NAA16: variants seen among roughly 807,000 people sequenced by gnomAD.
NAA16 encodes the protein N-alpha-acetyltransferase 16, NatA auxiliary subunit.
In NAA16, 97 loss-of-function variants were observed where a neutral mutation model predicts 110.3. The ratio of observed to expected loss-of-function variants is 0.88; its 90% CI spans 0.75 to 1.04. The LOEUF (loss-of-function observed/expected upper bound fraction) is 1.04, where lower values mean the gene tolerates loss of function less well. Among genes scored for constraint, NAA16 ranks in the 50% least tolerant of loss-of-function variants. NAA16 has a pLI of 0.00. For missense variants in NAA16, 1,017 were observed against 1,005.1 expected, an observed-to-expected ratio of 1.01 and a Z score of -0.16; for synonymous variants, 372 against 330.6, an observed-to-expected ratio of 1.13 and a Z score of -1.36.
intron 9 of NAA16, among the ~76,000 whole-genome samples, chr13:41,340,315 G>GT (rs1411478743): frequency 6.6e-6 from 1 of 152,000 alleles, no homozygotes; most frequent in African/African-American, 2.4e-5. Context: ...AGGGTTTTTT[G>GT]TGTCTGTATT....
At chr13:41,316,198 C>G (rs901284784) in intron 1 of NAA16, among the ~76,000 whole-genome samples, 1 of 152,078 alleles carries the variant, frequency 6.6e-6, no homozygotes, top group Non-Finnish European at 1.5e-5. Flanking sequence ...GGCATGATCT[C>G]GGCTCACTGC....
At chr13:41,336,382 G>A (rs1376615654) in intron 8 of NAA16, among the ~76,000 whole-genome samples, 3 of 152,156 alleles carry the variant, frequency 2.0e-5, no homozygotes, top group African/African-American at 7.2e-5. Flanking sequence ...AGTGCTGGTA[G>A]TCTGCTGCAG....
chr13:41,316,823 C>G, intron 1 of NAA16, 23 bp from the exon 2 acceptor site: 1 of 1,525,588 alleles, frequency 6.6e-7, no homozygotes. Flanking sequence ...GATAAAATAA[C>G]TTTTGTTCAT....
chr13:41,335,374 G>A (rs945257848), intron 8 of NAA16, among the ~76,000 whole-genome samples: 1 of 152,150 alleles, frequency 6.6e-6, no homozygotes, highest in Non-Finnish European at 1.5e-5. Flanking sequence ...TAATGGACAA[G>A]TTATTTGCCC....
chr13:41,373,005 A>G (rs1208283647), intron 17 of NAA16, 175 bp downstream of exon 17: 2 of 780,564 alleles, frequency 2.6e-6, no homozygotes, highest in African/African-American at 1.9e-5. Flanking sequence ...TGTCAGTGGG[A>G]TGCCACTGAG....
chr13:41,365,312 A>G (rs1485413241), intron 13 of NAA16, among the ~76,000 whole-genome samples: 2 of 152,160 alleles, frequency 1.3e-5, no homozygotes, highest in Non-Finnish European at 2.9e-5. Context: ...AACTATATAC[A>G]CATTGTACCA....
Position 41,315,347 on chromosome 13 carries a change from A to G in NAA16, c.55-1499A>G, listed in dbSNP as rs190447000. Among the ~76,000 whole-genome samples the G allele has an allele frequency of 5.3e-5, 8 of 152,292 alleles. No individual in the cohort carries two copies. In the East Asian group the frequency reaches 1.5e-3, roughly 29 times the overall value. ...TGTGACTGAACAATGTAAGCCAGGGAAGAGTGGAAAGCAATGGGGTGTTCT... is the reference window on the plus strand; with the variant it reads ...TGTGACTGAACAATGTAAGCCAGGGGAGAGTGGAAAGCAATGGGGTGTTCT... On this transcript the variant is annotated intron_variant, in intron 1 of 19. Transcript: ENST00000379406.
At chr13:41,355,345 A>G (rs771176938) in intron 10 of NAA16, 129 bp downstream of exon 10, 9 of 587,286 alleles carry the variant, frequency 1.5e-5, no homozygotes, top group Non-Finnish European at 2.1e-5. Flanking sequence ...AAATTGGTGA[A>G]TGAAATGAGA....
At chr13:41,359,136 G>T (rs577588450) in intron 12 of NAA16, among the ~76,000 whole-genome samples, 174 bp downstream of exon 12, 15 of 152,132 alleles carry the variant, frequency 9.9e-5, no homozygotes, top group African/African-American at 3.1e-4. Context: ...TCTTACTGTG[G>T]TTGTGTATCT....
chr13:41,318,754 AAG>A (rs1207630905), intron 2 of NAA16, 50 bp from the exon 3 acceptor site: 9 of 958,732 alleles, frequency 9.4e-6, no homozygotes, highest in African/African-American at 5.0e-5. Flanking sequence ...TTAAGAGAAT[AAG>A]AGAATAATTT....
At chr13:41,362,542 C>A in intron 13 of NAA16, 1 of 425,322 alleles carries the variant, frequency 2.4e-6, no homozygotes, top group Non-Finnish European at 4.2e-6. Context: ...CCGCAGTCAG[C>A]CTCTCTCCAG....
At position 41,325,742 on chromosome 13, in the gene NAA16, A is replaced by G; in HGVS notation, c.582A>G (p.Leu194=). 1.2e-6 allele frequency: 2 copies of G among 1,601,200 alleles called. No homozygotes were observed. Among genetic ancestry groups the G allele is most frequent in the Admixed American group, 1.7e-5 (1 of 59,606 alleles). Residue 194 remains leucine, a synonymous_variant, in exon 6 of 20, where the codon TTA becomes TTG. Transcript: ENST00000379406. ...KIDYEYSELI[L]YQNQVMREAD... The stretch of plus-strand genomic sequence containing the variant: ...ATTATGAATATAGTGAATTGATATT[A>G]TACCAGAATCAAGTGATGAGAGAGG...
At chr13:41,366,475 A>T (rs2043209378) in intron 13 of NAA16, among the ~76,000 whole-genome samples, 2 of 152,270 alleles carry the variant, frequency 1.3e-5, no homozygotes, top group African/African-American at 4.8e-5. Context: ...ATGAAAAAAG[A>T]AGTTGGAGAT....
intron 8 of NAA16, among the ~76,000 whole-genome samples, chr13:41,331,627 A>G (rs1593441502): frequency 6.6e-6 from 1 of 152,110 alleles, no homozygotes; most frequent in South Asian, 2.1e-4. Flanking sequence ...AAAGAATGAT[A>G]GATATCAGAG....
At position 41,311,423 on chromosome 13, in the gene NAA16, G is replaced by A; in HGVS notation, c.-106G>A. The A allele has an allele frequency of 9.0e-7, 1 of 1,105,196 alleles. No individual in the cohort carries two copies. 68.5% of individuals were successfully genotyped at this position (1,105,196 alleles called of 1,614,324 possible). A position where few individuals can be genotyped will look rare whatever the true frequency, so the allele number is the denominator to read the frequency against. The stretch of plus-strand genomic sequence containing the variant: ...AGACCAATGAACTAATCCATCGCCC[G>A]CAGCCCGACTCTCAGCAGCGGTTCG... On this transcript the variant is annotated 5_prime_UTR_variant, in exon 1 of 20. Coordinates refer to ENST00000379406, the MANE Select transcript of NAA16 (RefSeq NM_024561.5).
At chr13:41,367,336 G>C in intron 13 of NAA16, 103 bp from the exon 14 acceptor site, 5 of 742,234 alleles carry the variant, frequency 6.7e-6, no homozygotes, top group Non-Finnish European at 1.1e-5. Flanking sequence ...TGAAAATTGT[G>C]ACTGTTTAAA....
chr13:41,367,412 G>A (rs1566299177), intron 13 of NAA16, 27 bp from the exon 14 acceptor site: 1 of 1,499,158 alleles, frequency 6.7e-7, no homozygotes, highest in Non-Finnish European at 9.2e-7. Flanking sequence ...AAATGTAAAG[G>A]TTAATTTTGT....
chr13:41,373,150 T>C (rs2139520816), intron 17 of NAA16: 1 of 932,708 alleles, frequency 1.1e-6, no homozygotes, highest in Non-Finnish European at 1.3e-6. Context: ...CAAGAGATGG[T>C]AGAAATTAGT....
intron 13 of NAA16, among the ~76,000 whole-genome samples, chr13:41,365,738 G>A (rs2043195597): frequency 3.9e-5 from 6 of 152,180 alleles, no homozygotes; most frequent in Admixed American, 3.9e-4. Flanking sequence ...ACATTAACTG[G>A]AGAGAGGCAG....
Sources: allele counts gnomAD v4.1 joint callset (sites outside exome capture counted in the v4.1 genomes callset), GRCh38; gene constraint gnomAD v4.1.1; transcripts MANE v1.5; gene names NCBI Gene and HGNC (gene_info 2026-07-23, HGNC 2026-07-21).